Variants in ACER3 observed in about 807,000 individuals in gnomAD.
ACER3 encodes the protein alkCDase 3.
A neutral mutation model predicts 48.9 loss-of-function variants in ACER3; 16 were observed. The observed-to-expected ratio is 0.33, with a 90% CI of 0.22 to 0.50. The LOEUF is 0.50. ACER3 is among the 20% of genes least tolerant of loss of function. The pLI, the probability that ACER3 is intolerant of heterozygous loss-of-function variation, is 0.98. For synonymous variants in ACER3, 109 were observed against 107.8 expected (o/e 1.01, Z -0.07); for missense variants, 227 against 326.0 (o/e 0.70, Z 2.34).
At position 77,022,798 on chromosome 11, in the gene ACER3, C is replaced by G. The variant is rs1270630577; in HGVS notation, c.*2471C>G. On this transcript the variant is annotated 3_prime_UTR_variant, in exon 11 of 11. Coordinates refer to ENST00000532485, the MANE Select transcript of ACER3 (RefSeq NM_018367.7). ...AATGTGAAAAGTGCTCATCTGTGAACTCTACAGCAAATTATATTTTAGAAA... is the reference window on the plus strand; with the variant it reads ...AATGTGAAAAGTGCTCATCTGTGAAGTCTACAGCAAATTATATTTTAGAAA... 4.5e-6 allele frequency: 1 copy of G among 220,880 alleles called. No individual in the cohort carries two copies. Among genetic ancestry groups the G allele is most frequent in the Non-Finnish European group, 8.6e-6 (1 of 115,706 alleles). 13.7% of individuals were successfully genotyped at this position (220,880 alleles called of 1,614,324 possible).
At chr11:76,928,017 A>G (rs1463694195) in intron 2 of ACER3, among the ~76,000 whole-genome samples, 1 of 152,110 alleles carries the variant, frequency 6.6e-6, no homozygotes, top group Non-Finnish European at 1.5e-5. Context: ...CTAGTTCTAG[A>G]TCCTCAAGGA....
chr11:76,872,610 T>C (rs957311484), intron 1 of ACER3, among the ~76,000 whole-genome samples: 1 of 152,162 alleles, frequency 6.6e-6, no homozygotes, highest in South Asian at 2.1e-4. Flanking sequence ...AGTTTCTCAG[T>C]CTGGAAAATG....
chr11:76,912,740 T>G (rs1946416568), intron 1 of ACER3, among the ~76,000 whole-genome samples: 2 of 152,104 alleles, frequency 1.3e-5, no homozygotes. Flanking sequence ...TTTGAAAAAC[T>G]TTTTTTGCAT....
intron 1 of ACER3, among the ~76,000 whole-genome samples, chr11:76,923,612 T>G (rs1459620421): frequency 2.6e-5 from 4 of 152,206 alleles, no homozygotes; most frequent in Non-Finnish European, 5.9e-5. Flanking sequence ...AGTCTTGAAT[T>G]TTGTTCTGGA....
At chr11:76,875,729 G>GTTTTTTTT (rs1390719448) in intron 1 of ACER3, among the ~76,000 whole-genome samples, 1 of 79,816 alleles carries the variant, frequency 1.3e-5, no homozygotes, top group African/African-American at 5.5e-5. Flanking sequence ...CACAGTTTTT[G>GTTTTTTTT]TTGTTTTTTT....
intron 4 of ACER3, among the ~76,000 whole-genome samples, chr11:76,983,954 A>G (rs1948637997): frequency 6.6e-6 from 1 of 151,812 alleles, no homozygotes; most frequent in South Asian, 2.1e-4. Context: ...GCAACGACTA[A>G]TTTTTTTGTA....
chr11:76,999,619 C>T lies in ACER3; in HGVS notation c.497+798C>T, dbSNP rs782316179. On this transcript the variant is annotated intron_variant, in intron 7 of 10. Transcript: ENST00000532485. ...TATAACCAGACCTACTTCCCTCCTG[C>T]CCCACCTCACTCCTCACTCCCTGTC... Among the ~76,000 whole-genome samples, 21 of 152,114 alleles carry T rather than the reference C, an allele frequency of 1.4e-4. 1 individual carries two copies. Among genetic ancestry groups the T allele is most frequent in the Non-Finnish European group, 2.6e-4 (18 of 67,994 alleles).
intron 2 of ACER3, among the ~76,000 whole-genome samples, chr11:76,954,841 A>G (rs1025536112): frequency 6.6e-6 from 1 of 152,032 alleles, no homozygotes; most frequent in African/African-American, 2.4e-5. Context: ...AGCTCAAGGG[A>G]TCTACCCACC....
In ACER3 at chr11:76,928,178, T is replaced by C. The variant is rs570365078; in HGVS notation, c.214+1511T>C. ...CTAACTGGTGTGAGATGGTATCTCA[T>C]TGTGGTTTTGATTTGCATTTCTCTG... On this transcript the variant is annotated intron_variant, in intron 2 of 10. Transcript: ENST00000532485. 1.5e-3 allele frequency among the ~76,000 whole-genome samples: 235 copies of C among 152,338 alleles called. 2 individuals carry two copies. Among genetic ancestry groups the C allele is most frequent in the African/African-American group, 5.4e-3 (224 of 41,584 alleles).
chr11:76,937,190 C>T (rs1322793726), intron 2 of ACER3, among the ~76,000 whole-genome samples: 3 of 152,136 alleles, frequency 2.0e-5, no homozygotes, highest in Admixed American at 1.3e-4. Flanking sequence ...CATTATTTCT[C>T]ATTTATTAGA....
At chr11:77,013,521 T>C (rs1949308867) in intron 7 of ACER3, among the ~76,000 whole-genome samples, 2 of 152,172 alleles carry the variant, frequency 1.3e-5, no homozygotes, top group East Asian at 3.9e-4. Flanking sequence ...AAAACCACAA[T>C]GAGATACCAC....
In ACER3 at chr11:77,005,994, T is replaced by TATATATATATACATATAGATATATA; in HGVS notation, c.497+7173_497+7174insATATATATATACATATAGATATATA. Among the ~76,000 whole-genome samples the TATATATATATACATATAGATATATA allele has an allele frequency of 2.4e-5, 2 of 82,136 alleles. 1 individual carries two copies. Among genetic ancestry groups the TATATATATATACATATAGATATATA allele is most frequent in the South Asian group, 8.7e-4 (2 of 2,296 alleles). The allele number at this position is 82,136 out of a possible 152,430, so 53.9% of individuals were successfully genotyped here. A position where few individuals can be genotyped will look rare whatever the true frequency, so the allele number is the denominator to read the frequency against. ...ATACATATATATATATATATATATT[T>TATATATATATACATATAGATATATA]TTTTTTTTTTTTGAGCCAGAGTTTC... On this transcript the variant is annotated intron_variant, in intron 7 of 10. Transcript: ENST00000532485.
chr11:77,011,464 A>G (rs1949262632), intron 7 of ACER3: 8 of 810,754 alleles, frequency 9.9e-6, no homozygotes, highest in Non-Finnish European at 1.0e-5. Context: ...CCACACTGCC[A>G]GAAGCCTTCA....
At chr11:76,958,018 A>C (rs2135031570) in intron 2 of ACER3, among the ~76,000 whole-genome samples, 1 of 151,658 alleles carries the variant, frequency 6.6e-6, no homozygotes, top group East Asian at 1.9e-4. Context: ...CTGGTCTTGA[A>C]CTTCTGAGTT....
intron 1 of ACER3, among the ~76,000 whole-genome samples, chr11:76,894,963 A>C (rs191023069): frequency 6.6e-6 from 1 of 152,248 alleles, no homozygotes; most frequent in Admixed American, 6.5e-5. Flanking sequence ...AGCTCAAGGC[A>C]GAAATTCCCA....
intron 2 of ACER3, among the ~76,000 whole-genome samples, chr11:76,946,345 T>C (rs538170893): frequency 1.3e-5 from 2 of 152,152 alleles, no homozygotes; most frequent in Non-Finnish European, 2.9e-5. Flanking sequence ...GGCAAGAAGC[T>C]GTGGGGAGTA....
chr11:76,870,624 T>C (rs1394980442), intron 1 of ACER3, among the ~76,000 whole-genome samples: 1 of 152,230 alleles, frequency 6.6e-6, no homozygotes, highest in Non-Finnish European at 1.5e-5. Flanking sequence ...AAAAAATTTC[T>C]TTCATGGGTG....
At chr11:76,900,428 A>G (rs955442330) in intron 1 of ACER3, among the ~76,000 whole-genome samples, 1 of 152,224 alleles carries the variant, frequency 6.6e-6, no homozygotes, top group African/African-American at 2.4e-5. Flanking sequence ...AAATGTTTCT[A>G]TATGATAACA....
At chr11:76,877,628 G>A (rs1006076561) in intron 1 of ACER3, among the ~76,000 whole-genome samples, 1 of 152,018 alleles carries the variant, frequency 6.6e-6, no homozygotes. Flanking sequence ...TCAGATGGCT[G>A]TTTTGTGTTC....
Sources: gnomAD v4.1 joint callset for allele counts (sites outside exome capture counted in the v4.1 genomes callset) on GRCh38, gnomAD v4.1.1 for gene constraint, MANE v1.5 for transcripts, NCBI Gene and HGNC (gene_info 2026-07-23, HGNC 2026-07-21) for gene names.